Variants in YWHAG observed in about 807,000 individuals in gnomAD.
YWHAG encodes the protein 14-3-3 protein gamma.
A neutral mutation model predicts 23.3 loss-of-function variants in YWHAG; 1 was observed. The observed-to-expected ratio is 0.04, with a 90% CI of 0.02 to 0.20. The LOEUF is 0.20. Ranked by LOEUF, YWHAG falls within the 10% of genes least tolerant of loss-of-function variation. The probability of loss-of-function intolerance (pLI) is 1.00; values close to 1 mark genes in which losing one functional copy is unlikely to be tolerated. For synonymous variants in YWHAG, 160 were observed against 144.0 expected, an observed-to-expected ratio of 1.11 and a Z score of -0.80; for missense variants, 151 against 338.6, an observed-to-expected ratio of 0.45 and a Z score of 4.35.
intron 1 of YWHAG, among the ~76,000 whole-genome samples, chr7:76,348,981 G>C (rs1279961887): frequency 6.6e-6 from 1 of 152,150 alleles, no homozygotes; most frequent in Non-Finnish European, 1.5e-5. Context: ...ACATAAAAAT[G>C]CTTCCCAAGG....
intron 1 of YWHAG, among the ~76,000 whole-genome samples, chr7:76,351,931 G>C (rs1444197375): frequency 6.6e-6 from 1 of 152,048 alleles, no homozygotes; most frequent in African/African-American, 2.4e-5. Context: ...CCATGAAACG[G>C]GTCCCTGGTG....
At position 76,329,489 on chromosome 7, in the gene YWHAG, T is replaced by TTCCAACCC; in HGVS notation, c.*87_*88insGGGTTGGA. ...TCCCTGGGAAGGTCATCCCTCCCTTTCCCTCCCCCACCCGACCCCCAACTC... is the reference window on the plus strand; with the variant it reads ...TCCCTGGGAAGGTCATCCCTCCCTTTTCCAACCCCCCTCCCCCACCCGACCCCCAACTC... On this transcript the variant is annotated 3_prime_UTR_variant, in exon 2 of 2. Transcript: ENST00000307630. The surrounding 1 kb of genome is among the most constrained non-coding windows in gnomAD (Gnocchi z 6.1). 9.8e-7 allele frequency: 1 copy of TTCCAACCC among 1,024,228 alleles called. No individual in the cohort carries two copies. The highest frequency in any genetic ancestry group is 1.4e-6 in the Non-Finnish European group (1 of 740,082). The allele number at this position is 1,024,228 out of a possible 1,614,324, so 63.4% of individuals were successfully genotyped here.
chr7:76,349,850 C>A (rs1803848218), intron 1 of YWHAG, among the ~76,000 whole-genome samples: 2 of 152,116 alleles, frequency 1.3e-5, no homozygotes, highest in South Asian at 4.1e-4. Flanking sequence ...AAAAATTAGC[C>A]AGGCGTGGTG....
chr7:76,358,573 T>C, intron 1 of YWHAG, 149 bp downstream of exon 1: 1 of 749,402 alleles, frequency 1.3e-6, no homozygotes, highest in Non-Finnish European at 2.0e-6. Context: ...TCCCGTCGCC[T>C]CTCGGGACCC....
At position 76,329,509 on chromosome 7, in the gene YWHAG, C is replaced by CCCCACA; in HGVS notation, c.*67_*68insTGTGGG. 6 of 1,421,540 alleles carry CCCCACA rather than the reference C, an allele frequency of 4.2e-6. No individual in the cohort carries two copies. Among genetic ancestry groups the CCCCACA allele is most frequent in the Non-Finnish European group, 5.6e-6 (6 of 1,069,482 alleles). The allele number at this position is 1,421,540 out of a possible 1,614,324, so 88.1% of individuals were successfully genotyped here. A position where few individuals can be genotyped will look rare whatever the true frequency, so the allele number is the denominator to read the frequency against. ...CCCTTTCCCTCCCCCACCCGACCCC[C>CCCCACA]AACTCATGGGAAAAAAATAAAGACT... On this transcript the variant is annotated 3_prime_UTR_variant, in exon 2 of 2. Coordinates refer to ENST00000307630, the MANE Select transcript of YWHAG (RefSeq NM_012479.4). This position sits in a 1 kb window ranked among gnomAD's most constrained non-coding sequence, Gnocchi z 6.1.
intron 1 of YWHAG, 127 bp downstream of exon 1, chr7:76,358,595 C>T (rs891767615): frequency 1.1e-6 from 1 of 950,364 alleles, no homozygotes; most frequent in South Asian, 1.8e-5. Flanking sequence ...CCCCAGCCCC[C>T]CTCAGTGAGC....
chr7:76,329,505 C>A lies in YWHAG; in HGVS notation c.*72G>T. The A allele has an allele frequency of 9.9e-6, 13 of 1,310,664 alleles. No individual in the cohort carries two copies. The highest frequency in any genetic ancestry group is 3.0e-5 in the South Asian group (2 of 66,926). The allele number at this position is 1,310,664 out of a possible 1,614,324, so 81.2% of individuals were successfully genotyped here. On this transcript the variant is annotated 3_prime_UTR_variant, in exon 2 of 2. Transcript: ENST00000307630. This position sits in a 1 kb window ranked among gnomAD's most constrained non-coding sequence, Gnocchi z 6.1. The stretch of plus-strand genomic sequence containing the variant: ...CCCTCCCTTTCCCTCCCCCACCCGA[C>A]CCCCAACTCATGGGAAAAAAATAAA...
chr7:76,343,959 C>G (rs145204199), intron 1 of YWHAG, among the ~76,000 whole-genome samples: 1 of 152,122 alleles, frequency 6.6e-6, no homozygotes, highest in East Asian at 1.9e-4. Context: ...AACTGACTTA[C>G]GAAAAGCAAA....
intron 1 of YWHAG, among the ~76,000 whole-genome samples, chr7:76,335,054 TTTTTA>T (rs1373282615): frequency 2.0e-5 from 3 of 152,114 alleles, no homozygotes; most frequent in Admixed American, 6.6e-5. Context: ...AAATTTCTTA[TTTTTA>T]TTTTATTTAT....
chr7:76,339,787 C>T (rs1299639920), intron 1 of YWHAG, among the ~76,000 whole-genome samples: 2 of 152,062 alleles, frequency 1.3e-5, no homozygotes, highest in Non-Finnish European at 2.9e-5. Flanking sequence ...TTCTCTTATG[C>T]TTTTCTTAAT....
intron 1 of YWHAG, among the ~76,000 whole-genome samples, chr7:76,344,169 G>A (rs1803742025): frequency 6.6e-6 from 1 of 152,040 alleles, no homozygotes; most frequent in Non-Finnish European, 1.5e-5. Context: ...GGAATGCAGT[G>A]GTGCGATATC....
At chr7:76,332,687 ATTTC>A (rs1233430051) in intron 1 of YWHAG, among the ~76,000 whole-genome samples, 7 of 145,156 alleles carry the variant, frequency 4.8e-5, no homozygotes, top group East Asian at 2.1e-4. Flanking sequence ...TGCATGGCTG[ATTTC>A]TTTTTTTTTT....
chr7:76,339,377 G>C (rs1803659225), intron 1 of YWHAG, among the ~76,000 whole-genome samples: 1 of 152,134 alleles, frequency 6.6e-6, no homozygotes. Flanking sequence ...GGCGGAGACA[G>C]GAGAACTGCT....
chr7:76,348,783 G>A (rs527892647), intron 1 of YWHAG, among the ~76,000 whole-genome samples: 3 of 151,896 alleles, frequency 2.0e-5, no homozygotes, highest in African/African-American at 7.2e-5. Context: ...CAGGTGACCC[G>A]CCCGCCTCCA....
At chr7:76,341,117 G>A (rs537979405) in intron 1 of YWHAG, among the ~76,000 whole-genome samples, 5 of 152,340 alleles carry the variant, frequency 3.3e-5, no homozygotes, top group African/African-American at 4.8e-5. Context: ...CAGGGGCTGG[G>A]AGGGTTGGCT....
chr7:76,342,404 A>G (rs1803711016), intron 1 of YWHAG, among the ~76,000 whole-genome samples: 1 of 152,210 alleles, frequency 6.6e-6, no homozygotes, highest in African/African-American at 2.4e-5. Context: ...TGGGTGAAGG[A>G]CGGTCTCTGA....
At chr7:76,350,664 GGAA>G (rs1364139116) in intron 1 of YWHAG, among the ~76,000 whole-genome samples, 1 of 152,022 alleles carries the variant, frequency 6.6e-6, no homozygotes, top group Non-Finnish European at 1.5e-5. Flanking sequence ...GCCAACATGG[GGAA>G]ACCCCATTTC....
chr7:76,330,284 GTTAAC>G, intron 1 of YWHAG, 51 bp from the exon 2 acceptor site: 3 of 1,555,604 alleles, frequency 1.9e-6, no homozygotes, highest in Non-Finnish European at 2.6e-6. Context: ...TGTCCACTGG[GTTAAC>G]TGTATCTTTG....
At chr7:76,351,935 C>T (rs1803881014) in intron 1 of YWHAG, among the ~76,000 whole-genome samples, 1 of 152,166 alleles carries the variant, frequency 6.6e-6, no homozygotes, top group African/African-American at 2.4e-5. Flanking sequence ...GAAACGGGTC[C>T]CTGGTGCCAA....
Sources: allele counts gnomAD v4.1 joint callset (sites outside exome capture counted in the v4.1 genomes callset), GRCh38; gene constraint gnomAD v4.1.1; non-coding constraint Gnocchi (gnomAD v3.1); transcripts MANE v1.5; gene names NCBI Gene and HGNC (gene_info 2026-07-23, HGNC 2026-07-21).